The following PADI1 variants were observed in gnomAD, a reference collection of about 807,000 sequenced individuals.
The protein encoded by PADI1 is protein-arginine deiminase type-1.
A neutral mutation model predicts 74.8 loss-of-function variants in PADI1; 65 were observed. The observed-to-expected ratio is 0.87, with a 90% CI of 0.71 to 1.07. The LOEUF is 1.07. PADI1 is among the 50% of genes least tolerant of loss of function. The pLI, the probability that PADI1 is intolerant of heterozygous loss-of-function variation, is 0.00. For missense variants in PADI1, 943 were observed against 854.0 expected (o/e 1.10, Z -1.30); for synonymous variants, 371 against 336.2 (o/e 1.10, Z -1.13).
intron 1 of PADI1, among the ~76,000 whole-genome samples, chr1:17,210,777 G>A (rs1003375510): frequency 9.2e-5 from 14 of 152,314 alleles, no homozygotes; most frequent in Non-Finnish European, 1.5e-4. Context: ...AGCCAGCCCC[G>A]GGGAGAGGAT....
At chr1:17,237,078 G>A (rs1001244866) in intron 11 of PADI1, among the ~76,000 whole-genome samples, 35 of 152,352 alleles carry the variant, frequency 2.3e-4, no homozygotes, top group African/African-American at 6.5e-4. Flanking sequence ...TCATCAGGAG[G>A]CTTAAACAAG....
chr1:17,240,563 A>C (rs375854387), intron 14 of PADI1, 72 bp from the exon 15 acceptor site: 360 of 1,559,722 alleles, frequency 2.3e-4, no homozygotes, highest in Middle Eastern at 2.3e-3. Flanking sequence ...ACACGGGCCC[A>C]GCGCACAGTA....
chr1:17,232,923 C>A lies in PADI1; in HGVS notation c.1266C>A (p.Gly422=), dbSNP rs1166078089. The stretch of plus-strand genomic sequence containing the variant: ...TCAGCCCGCCCGTCACGGTGGGCGG[C>A]ACGGAATACCCCCTGGGCCGGATCC... ...LDVSPPVTVG[G]TEYPLGRILI... The change falls in exon 11 of 16, where the codon GGC becomes GGA. Residue 422 remains glycine (G), a synonymous_variant. Transcript: ENST00000375471. The A allele has an allele frequency of 5.6e-6, 9 of 1,612,424 alleles. No homozygotes were observed. In the Middle Eastern group the frequency reaches 8.3e-4, roughly 148 times the overall value.
In PADI1 at chr1:17,238,664, C is replaced by T; in HGVS notation, c.1507C>T (p.Gln503Ter). ...CCCCAGCGCTTGCCTCAAACTCTTC[C>T]AAGAGAAGAAAGAAGAGGGTTATGG... ...ASPSACLKLF[Q>*]EKKEEGYGEA... Residue 503 changes from glutamine (Q) to a stop codon, truncating the protein, a stop_gained, in exon 13 of 16, where the codon CAA becomes TAA. Transcript: ENST00000375471. LOFTEE classifies it high-confidence loss of function. 1 of 1,556,532 alleles carries T rather than the reference C, an allele frequency of 6.4e-7. No homozygotes were observed. The highest frequency in any genetic ancestry group is 1.2e-5 in the South Asian group (1 of 83,958).
intron 1 of PADI1, among the ~76,000 whole-genome samples, chr1:17,209,263 G>C (rs1019005305): frequency 1.3e-5 from 2 of 152,144 alleles, no homozygotes; most frequent in African/African-American, 4.8e-5. Context: ...GCCCCTGGCT[G>C]GACACATTCT....
intron 11 of PADI1, among the ~76,000 whole-genome samples, chr1:17,233,219 C>T (rs1476944184): frequency 1.3e-5 from 2 of 152,202 alleles, no homozygotes; most frequent in East Asian, 3.8e-4. Flanking sequence ...CTTAATGAGT[C>T]ACCAACATAA....
chr1:17,240,178 C>T (rs1407015134), intron 14 of PADI1: 1 of 255,490 alleles, frequency 3.9e-6, no homozygotes, highest in East Asian at 8.4e-5. Flanking sequence ...AGCAAGGTGT[C>T]AGGAAGGGGC....
rs184629519 is a variant in PADI1, at chr1:17,228,662, G to T, written c.690G>T (p.Gly230=). The change falls in exon 7 of 16, where the codon GGG becomes GGT. Residue 230 remains glycine (G), a synonymous_variant. Coordinates refer to ENST00000375471, the MANE Select transcript of PADI1 (RefSeq NM_013358.3). ...TCTCGGACTACAAACAGGTGCTGGG[G>T]CCCCAGTGTCTGTCCTATGAAGTTG... ...NSLSDYKQVL[G]PQCLSYEVER... 8.7e-6 allele frequency: 14 copies of T among 1,614,096 alleles called. No individual in the cohort carries two copies. The Admixed American group carries it at 2.3e-4, about 27-fold the overall frequency.
chr1:17,221,060 T>C (rs1183734918), intron 1 of PADI1, among the ~76,000 whole-genome samples: 3 of 152,198 alleles, frequency 2.0e-5, no homozygotes, highest in Non-Finnish European at 4.4e-5. Flanking sequence ...AACACCCATT[T>C]CTTGATCCCA....
intron 15 of PADI1, among the ~76,000 whole-genome samples, chr1:17,242,020 T>C (rs2072788583): frequency 6.6e-6 from 1 of 152,206 alleles, no homozygotes; most frequent in African/African-American, 2.4e-5. Flanking sequence ...TCAGTGTGCT[T>C]TCCTGACTCC....
chr1:17,240,412 G>T, intron 14 of PADI1: 1 of 455,174 alleles, frequency 2.2e-6, no homozygotes, highest in South Asian at 3.2e-5. Context: ...AACTGCCTGG[G>T]TTCGAACCCC....
intron 3 of PADI1, 142 bp from the exon 4 acceptor site, chr1:17,224,225 C>T: frequency 1.4e-6 from 1 of 700,424 alleles, no homozygotes; most frequent in Non-Finnish European, 2.6e-6. Context: ...CAGAGGTCTC[C>T]CAAGTGTGGG....
intron 1 of PADI1, among the ~76,000 whole-genome samples, chr1:17,216,763 G>A (rs551288581): frequency 1.3e-5 from 2 of 152,170 alleles, no homozygotes; most frequent in South Asian, 4.1e-4. Flanking sequence ...CCAGCTACTT[G>A]GGAGGCTGAG....
chr1:17,222,592 CA>C, intron 2 of PADI1, 122 bp downstream of exon 2: 1 of 754,822 alleles, frequency 1.3e-6, no homozygotes, highest in Non-Finnish European at 2.3e-6. Flanking sequence ...CAAAGCTTAT[CA>C]CAGTACATAC....
chr1:17,240,326 A>C, intron 14 of PADI1: 1 of 281,828 alleles, frequency 3.5e-6, no homozygotes. Flanking sequence ...GCTGCTGAGA[A>C]GGGACAGGAG....
At chr1:17,238,429 G>A (rs1333754310) in intron 12 of PADI1, among the ~76,000 whole-genome samples, 187 bp from the exon 13 acceptor site, 2 of 152,250 alleles carry the variant, frequency 1.3e-5, no homozygotes, top group Non-Finnish European at 2.9e-5. Context: ...CACAGACAAA[G>A]TTCTGGAGGT....
At chr1:17,233,000 C>T in intron 11 of PADI1, 30 bp downstream of exon 11, 1 of 1,567,802 alleles carries the variant, frequency 6.4e-7, no homozygotes. Context: ...GGTGGGGAGG[C>T]ACAAGGGAAT....
At chr1:17,215,827 A>C (rs1557453394) in intron 1 of PADI1, among the ~76,000 whole-genome samples, 1 of 152,204 alleles carries the variant, frequency 6.6e-6, no homozygotes, top group African/African-American at 2.4e-5. Context: ...ACAGAAAAAA[A>C]ATCTCTGCAT....
chr1:17,235,496 G>A lies in PADI1; in HGVS notation c.1314-1818G>A, dbSNP rs530658884. Among the ~76,000 whole-genome samples, 3 of 152,190 alleles carry A rather than the reference G, an allele frequency of 2.0e-5. No homozygotes were observed. In the South Asian group the frequency reaches 6.2e-4, roughly 32 times the overall value. ...GGCTCTGCGGGTCCAGCTGGGGACA[G>A]AGTTCAGGGAGAAACCATTCTGTTC... is the stretch of plus-strand genomic sequence containing the variant. On this transcript the variant is annotated intron_variant, in intron 11 of 15. Coordinates refer to ENST00000375471, the MANE Select transcript of PADI1 (RefSeq NM_013358.3).
Sources: allele counts gnomAD v4.1 joint callset (sites outside exome capture counted in the v4.1 genomes callset), GRCh38; gene constraint gnomAD v4.1.1; transcripts MANE v1.5; gene names NCBI Gene and HGNC (gene_info 2026-07-23, HGNC 2026-07-21).